The following MSR1 variants were observed in gnomAD, a reference collection of about 807,000 sequenced individuals.
MSR1 encodes macrophage scavenger receptor types I and II.
MSR1 carries 53 observed loss-of-function variants against 47.2 expected under a neutral mutation model. The observed-to-expected ratio is 1.12, with a 90% CI of 0.90 to 1.41. The LOEUF is 1.41. Ranked by LOEUF, MSR1 falls within the 40% of genes most tolerant of loss-of-function variation. MSR1 has a pLI of 0.00. For missense variants in MSR1, 786 were observed against 546.9 expected (o/e 1.44, Z -4.36); for synonymous variants, 239 against 185.6 (o/e 1.29, Z -2.34).
chr8:16,143,206 C>T (rs1481830210), intron 8 of MSR1, among the ~76,000 whole-genome samples: 1 of 152,064 alleles, frequency 6.6e-6, no homozygotes, highest in South Asian at 2.1e-4. Context: ...TTTAAGGTTT[C>T]ATTTAGTAAG....
rs192173351 is a variant in MSR1, at chr8:16,167,116, G to A, written c.630+1342C>T. Among the ~76,000 whole-genome samples, 60 of 152,106 alleles carry A rather than the reference G, an allele frequency of 3.9e-4. 1 individual carries two copies. The highest frequency in any genetic ancestry group is 4.6e-4 in the Non-Finnish European group (31 of 67,988). On this transcript the variant is annotated intron_variant, in intron 4 of 9. Coordinates refer to ENST00000262101, the MANE Select transcript of MSR1 (RefSeq NM_138715.3). ...CTCCAAAATTTAAGTGTAATCTATCGAAACTCAAACAGCTCACTGATCACC... is the reference window on the plus strand; with the variant it reads ...CTCCAAAATTTAAGTGTAATCTATCAAAACTCAAACAGCTCACTGATCACC...
intron 8 of MSR1, chr8:16,139,760 AAAAAAAAAAAAAAAATAT>A (rs1389371629): frequency 6.2e-6 from 1 of 160,726 alleles, no homozygotes; most frequent in African/African-American, 8.0e-5. Flanking sequence ...AAAAAAAAAA[AAAAAAAAAAAAAAAATAT>A]ATATATATAT....
At chr8:16,146,095 G>C (rs544240008) in intron 7 of MSR1, among the ~76,000 whole-genome samples, 10 of 152,118 alleles carry the variant, frequency 6.6e-5, no homozygotes, top group African/African-American at 2.4e-4. Flanking sequence ...CCGGATACTA[G>C]GTTAGACATT....
At chr8:16,164,793 T>G (rs1471454333) in intron 4 of MSR1, among the ~76,000 whole-genome samples, 3 of 152,094 alleles carry the variant, frequency 2.0e-5, no homozygotes. Context: ...GCATTGCCTC[T>G]GTATTTGAGG....
chr8:16,141,040 C>A, intron 8 of MSR1: 1 of 1,613,516 alleles, frequency 6.2e-7, no homozygotes, highest in Non-Finnish European at 8.5e-7. Flanking sequence ...GTGAGTTGTA[C>A]TGGTCCTGAC....
At position 16,155,085 on chromosome 8, in the gene MSR1, G is replaced by A. The variant is rs41341748; in HGVS notation, c.877C>T (p.Arg293Ter). The change falls in exon 6 of 10, where the codon CGA becomes TGA. Residue 293 changes from arginine (R) to a stop codon, truncating the protein, a stop_gained. Transcript: ENST00000262101. LOFTEE classifies it high-confidence loss of function. The part of the protein sequence containing the change: ...DRGPTGESGP[R>*]GFPGPIGPPG... ...ATACCTATTGGACCTGGAAATCCTC[G>A]TGGACCACTTTCTCCAGTGGGACCT... is the stretch of plus-strand genomic sequence containing the variant. 15,838 of 1,611,828 alleles carry A rather than the reference G, an allele frequency of 9.8e-3. 150 individuals are homozygous for A. The highest frequency in any genetic ancestry group is 0.012 in the Admixed American group (723 of 59,796).
At chr8:16,141,120 C>A (rs984769788) in intron 8 of MSR1, 19 of 1,509,880 alleles carry the variant, frequency 1.3e-5, no homozygotes, top group South Asian at 1.2e-5. Context: ...TTTAAAGATG[C>A]ATATGAAAAC....
rs1318740279 is a variant in MSR1 at position 16,108,850 on chromosome 8, A to C, written c.*1235T>G. 6.6e-6 allele frequency: 1 copy of C among 152,086 alleles called. No individual in the cohort carries two copies. The highest frequency in any genetic ancestry group is 2.1e-4 in the South Asian group (1 of 4,826). 9.4% of individuals were successfully genotyped at this position (152,086 alleles called of 1,614,324 possible). A position where few individuals can be genotyped will look rare whatever the true frequency, so the allele number is the denominator to read the frequency against. On this transcript the variant is annotated 3_prime_UTR_variant, in exon 10 of 10. Coordinates refer to ENST00000262101, the MANE Select transcript of MSR1 (RefSeq NM_138715.3). Reference sequence around the variant, plus strand: ...AAAAAATGCTTAAGCTTATGCTTTCATTTGCCACTATTAAAGAAAGAACAG... The same window carrying C: ...AAAAAATGCTTAAGCTTATGCTTTCCTTTGCCACTATTAAAGAAAGAACAG...
At chr8:16,140,240 T>G (rs117686311) in intron 8 of MSR1, 14,282 of 984,532 alleles carry the variant, frequency 0.015, 171 homozygotes, top group Middle Eastern at 0.018. Context: ...TGAATGCGTG[T>G]AGTCCAGCCT....
At position 16,182,559 on chromosome 8, in the gene MSR1, CTT is replaced by C. The variant is rs34893061; in HGVS notation, c.-4-4569_-4-4568del. On this transcript the variant is annotated intron_variant, in intron 1 of 9. Transcript: ENST00000262101. ...AGCTTTATCCTATAAGCTATTTTAA[CTT>C]TTTTTTTTTTTAATGTTTCTACTTC... Among the ~76,000 whole-genome samples, 76 of 146,548 alleles carry C rather than the reference CTT, an allele frequency of 5.2e-4. No homozygotes were observed. The East Asian group carries it at 5.3e-3, about 10-fold the overall frequency.
chr8:16,178,610 G>A (rs1322477183), intron 1 of MSR1, among the ~76,000 whole-genome samples: 1 of 152,132 alleles, frequency 6.6e-6, no homozygotes, highest in Non-Finnish European at 1.5e-5. Flanking sequence ...AATCCTTTGG[G>A]TATATACCCA....
intron 8 of MSR1, among the ~76,000 whole-genome samples, chr8:16,131,032 T>G (rs1800243716): frequency 6.6e-6 from 1 of 152,138 alleles, no homozygotes; most frequent in African/African-American, 2.4e-5. Flanking sequence ...TAATTCTGTT[T>G]TAAGTTCTTT....
At chr8:16,144,420 A>G (rs1800644364) in intron 7 of MSR1, among the ~76,000 whole-genome samples, 1 of 152,086 alleles carries the variant, frequency 6.6e-6, no homozygotes, top group African/African-American at 2.4e-5. Context: ...TAAATCTAGA[A>G]CTGATCCTAG....
intron 5 of MSR1, among the ~76,000 whole-genome samples, chr8:16,156,068 T>C (rs1263418975): frequency 1.3e-5 from 2 of 151,938 alleles, no homozygotes; most frequent in East Asian, 3.9e-4. Context: ...AAACACCATG[T>C]TCCATATGGA....
At chr8:16,116,318 T>A (rs1034240395) in intron 9 of MSR1, among the ~76,000 whole-genome samples, 2 of 152,130 alleles carry the variant, frequency 1.3e-5, no homozygotes, top group Non-Finnish European at 2.9e-5. Context: ...AAATTTAAAC[T>A]TGCAATTTTT....
At position 16,168,577 on chromosome 8, in the gene MSR1, T is replaced by C. The variant is rs1801386286; in HGVS notation, c.511A>G (p.Asn171Asp). Residue 171 changes from asparagine to aspartate, a missense_variant, in exon 4 of 10, where the codon AAT (asparagine) becomes GAT (aspartate). Transcript: ENST00000262101. ...GACTTGGAGATTTCATCTATTGCAT[T>C]CCCATGTCCCTGGACTGAGGAAAAC... ...TLFSSVQGHG[N>D]AIDEISKSLI... 3.1e-6 allele frequency: 5 copies of C among 1,614,120 alleles called. No individual in the cohort carries two copies. The East Asian group carries it at 1.1e-4, about 36-fold the overall frequency.
At position 16,140,229 on chromosome 8, in the gene MSR1, G is replaced by T. The variant is rs2127568; in HGVS notation, c.1033+3329C>A. ...AATTAAATTGTGTTCTAGACTCTAGGTGAATGCGTGTAGTCCAGCCTGTGC... is the reference window on the plus strand; with the variant it reads ...AATTAAATTGTGTTCTAGACTCTAGTTGAATGCGTGTAGTCCAGCCTGTGC... On this transcript the variant is annotated intron_variant, in intron 8 of 9. Transcript: ENST00000262101. 1.9e-3 allele frequency: 1,898 copies of T among 984,602 alleles called. 30 individuals carry two copies. In the African/African-American group the frequency reaches 0.029, roughly 15 times the overall value. 61.0% of individuals were successfully genotyped at this position (984,602 alleles called of 1,614,324 possible).
intron 5 of MSR1, among the ~76,000 whole-genome samples, chr8:16,161,634 T>C (rs1801166662): frequency 6.6e-6 from 1 of 152,028 alleles, no homozygotes; most frequent in African/African-American, 2.4e-5. Context: ...CATAGATAAA[T>C]ATTACCCTGA....
chr8:16,162,472 C>A (rs565017903), intron 5 of MSR1, among the ~76,000 whole-genome samples: 12 of 152,010 alleles, frequency 7.9e-5, no homozygotes, highest in African/African-American at 2.7e-4. Context: ...TAAATTCATG[C>A]GCAAATTTAA....
Sources: allele counts gnomAD v4.1 joint callset (sites outside exome capture counted in the v4.1 genomes callset), GRCh38; gene constraint gnomAD v4.1.1; transcripts MANE v1.5; gene names NCBI Gene and HGNC (gene_info 2026-07-23, HGNC 2026-07-21).